Variants in CCDC152 observed in about 807,000 individuals in gnomAD.
CCDC152 encodes the protein coiled-coil domain containing 152, also known as coiled-coil domain-containing protein 152.
Under a neutral mutation model 38.1 loss-of-function variants are expected in CCDC152, and 37 were observed. The observed-to-expected ratio is 0.97, with a 90% CI of 0.75 to 1.28. CCDC152 has a LOEUF of 1.28. CCDC152 is among the 50% of genes most tolerant of loss of function. The probability of loss-of-function intolerance (pLI) is 0.00; values close to 1 mark genes in which losing one functional copy is unlikely to be tolerated. For synonymous variants in CCDC152, 83 were observed against 87.1 expected (o/e 0.95, Z 0.26); for missense variants, 259 against 292.1 (o/e 0.89, Z 0.83).
In CCDC152 at chr5:42,784,184, G is replaced by T. The variant is rs2910853; in HGVS notation, c.430+608G>T. Among the ~76,000 whole-genome samples the T allele has an allele frequency of 4.6e-3, 697 of 152,190 alleles. 7 individuals are homozygous for T. The highest frequency in any genetic ancestry group is 0.024 in the South Asian group (118 of 4,824). ...AATCTTTGTAATGTTTTCCATAGGG[G>T]TGAAACTAATTTACATTCCCATTAA... On this transcript the variant is annotated intron_variant, in intron 6 of 8. Coordinates refer to ENST00000361970, the MANE Select transcript of CCDC152 (RefSeq NM_001134848.2).
chr5:42,801,682 C>T lies in CCDC152; in HGVS notation c.*1901C>T, dbSNP rs28919919. ...CTGTAATCCCACCACTTTGGGTGGC[C>T]GAGGGGGGCAGATTACTTGGGCTCA... On this transcript the variant is annotated 3_prime_UTR_variant, in exon 9 of 9. Coordinates refer to ENST00000361970, the MANE Select transcript of CCDC152 (RefSeq NM_001134848.2). 1.7e-3 allele frequency: 473 copies of T among 282,918 alleles called. 3 individuals are homozygous for T. Among genetic ancestry groups the T allele is most frequent in the African/African-American group, 9.6e-3 (445 of 46,310 alleles). 17.5% of individuals were successfully genotyped at this position (282,918 alleles called of 1,614,324 possible).
chr5:42,774,157 A>G (rs1759736574), intron 4 of CCDC152, among the ~76,000 whole-genome samples: 1 of 152,224 alleles, frequency 6.6e-6, no homozygotes, highest in Non-Finnish European at 1.5e-5. Flanking sequence ...GAGAATCACA[A>G]CTTAACAAGA....
At chr5:42,782,867 A>C (rs1759865846) in intron 5 of CCDC152, among the ~76,000 whole-genome samples, 1 of 151,920 alleles carries the variant, frequency 6.6e-6, no homozygotes, top group African/African-American at 2.4e-5. Context: ...TTCAAATTAA[A>C]ATTTAAATTT....
intron 5 of CCDC152, 144 bp downstream of exon 5, chr5:42,779,666 C>A: frequency 2.3e-6 from 1 of 439,720 alleles, no homozygotes. Flanking sequence ...CGTATATATG[C>A]CAAAATCTTT....
intron 6 of CCDC152, among the ~76,000 whole-genome samples, chr5:42,785,691 C>A (rs1759912177): frequency 6.6e-6 from 1 of 152,040 alleles, no homozygotes; most frequent in African/African-American, 2.4e-5. Flanking sequence ...CAATGGATAT[C>A]CTTGTTTTGT....
At chr5:42,760,761 A>G (rs1759542038) in intron 2 of CCDC152, among the ~76,000 whole-genome samples, 1 of 152,206 alleles carries the variant, frequency 6.6e-6, no homozygotes, top group South Asian at 2.1e-4. Context: ...TTGAAGTAAC[A>G]TGAGCTTTTT....
chr5:42,759,049 C>G, intron 1 of CCDC152, 71 bp from the exon 2 acceptor site: 2 of 1,060,696 alleles, frequency 1.9e-6, no homozygotes, highest in South Asian at 3.4e-5. Context: ...AGTATTTGAG[C>G]TATGAACACT....
At chr5:42,779,876 CTTA>C (rs1039247707) in intron 5 of CCDC152, among the ~76,000 whole-genome samples, 2 of 152,000 alleles carry the variant, frequency 1.3e-5, no homozygotes, top group African/African-American at 4.8e-5. Flanking sequence ...TGTGAACTTT[CTTA>C]TTATAATGTA....
intron 5 of CCDC152, among the ~76,000 whole-genome samples, chr5:42,780,063 G>A (rs370662776): frequency 5.9e-5 from 9 of 152,230 alleles, no homozygotes; most frequent in Non-Finnish European, 8.8e-5. Context: ...CATGAACAGC[G>A]TGTAAAAAGC....
intron 4 of CCDC152, among the ~76,000 whole-genome samples, chr5:42,779,082 A>G (rs1579714178): frequency 6.6e-6 from 1 of 152,096 alleles, no homozygotes; most frequent in East Asian, 1.9e-4. Context: ...CTCTCTTAAC[A>G]TGGGGTAAGC....
intron 5 of CCDC152, among the ~76,000 whole-genome samples, chr5:42,780,357 A>C (rs1234835733): frequency 1.3e-5 from 2 of 152,090 alleles, no homozygotes; most frequent in African/African-American, 2.4e-5. Context: ...GCTTTTCATC[A>C]CCAATTTTGA....
chr5:42,799,608 G>C, intron 8 of CCDC152, 51 bp from the exon 9 acceptor site: 1 of 1,353,072 alleles, frequency 7.4e-7, no homozygotes. Context: ...GTTGTTCCTT[G>C]TACTAAATTT....
rs1245797886 is a variant in CCDC152 at position 42,796,873 on chromosome 5, G to A, written c.475G>A (p.Glu159Lys). 2.6e-6 allele frequency: 4 copies of A among 1,527,084 alleles called. No individual in the cohort carries two copies. The highest frequency in any genetic ancestry group is 2.5e-5 in the East Asian group (1 of 39,948). 94.6% of individuals were successfully genotyped at this position (1,527,084 alleles called of 1,614,324 possible). ...EKHKELIEKK[E>K]MEISELNAKL... The stretch of plus-strand genomic sequence containing the variant: ...GCACAAAGAACTAATAGAGAAAAAG[G>A]AGATGGAAATTTCAGAGTTAAATGC... The change falls in exon 7 of 9, where the codon GAG becomes AAG. Residue 159 changes from glutamate (E) to lysine (K), a missense_variant. Transcript: ENST00000361970.
At chr5:42,785,677 G>A (rs1233776866) in intron 6 of CCDC152, among the ~76,000 whole-genome samples, 2 of 152,032 alleles carry the variant, frequency 1.3e-5, no homozygotes, top group African/African-American at 4.8e-5. Context: ...AATAGGGGTG[G>A]TGACAATGGA....
At chr5:42,786,882 GT>G (rs948913384) in intron 6 of CCDC152, among the ~76,000 whole-genome samples, 1 of 151,330 alleles carries the variant, frequency 6.6e-6, no homozygotes, top group Admixed American at 6.6e-5. Context: ...TTTCATTTCT[GT>G]TTTTTTTGTT....
chr5:42,781,513 A>G (rs1423071592), intron 5 of CCDC152, among the ~76,000 whole-genome samples: 1 of 151,892 alleles, frequency 6.6e-6, no homozygotes, highest in Admixed American at 6.6e-5. Context: ...TGAAATATCT[A>G]TTAAAAGCTA....
intron 6 of CCDC152, among the ~76,000 whole-genome samples, chr5:42,787,131 A>G (rs1163647233): frequency 1.3e-5 from 2 of 152,030 alleles, no homozygotes; most frequent in Non-Finnish European, 2.9e-5. Context: ...GCAGTTGTTG[A>G]GTGGAATGTT....
rs1214310152 is a variant in CCDC152 at position 42,799,720 on chromosome 5, G to A, written c.704G>A (p.Arg235His). ...ATTGCAATTCTTCGTAATACCATTC[G>A]CGATTTAGAGCAACGCCTTTCTGTT... ...KEIAILRNTIRDLEQRLSVGK... is the reference protein window; with the variant it reads ...KEIAILRNTIHDLEQRLSVGK... Residue 235 changes from arginine to histidine, a missense_variant, in exon 9 of 9, where the codon CGC becomes CAC. Physicochemically the swap from Arg to His is conservative, Grantham distance 29. Coordinates refer to ENST00000361970, the MANE Select transcript of CCDC152 (RefSeq NM_001134848.2). 2 of 1,550,964 alleles carry A rather than the reference G, an allele frequency of 1.3e-6. No homozygotes were observed. Among genetic ancestry groups the A allele is most frequent in the Admixed American group, 2.0e-5 (1 of 50,952 alleles).
chr5:42,791,712 C>CAGAG (rs1002788306), intron 6 of CCDC152, among the ~76,000 whole-genome samples: 1 of 152,172 alleles, frequency 6.6e-6, no homozygotes, highest in African/African-American at 2.4e-5. Flanking sequence ...GCCACTCTAG[C>CAGAG]AGAGCATTTG....
Sources: gnomAD v4.1 joint callset for allele counts (sites outside exome capture counted in the v4.1 genomes callset) on GRCh38, gnomAD v4.1.1 for gene constraint, MANE v1.5 for transcripts, NCBI Gene and HGNC (gene_info 2026-07-23, HGNC 2026-07-21) for gene names.